Variants in ALOX5 observed in about 807,000 individuals in gnomAD.
ALOX5 encodes polyunsaturated fatty acid 5-lipoxygenase.
Under a neutral mutation model 87.9 loss-of-function variants are expected in ALOX5, and 64 were observed. That is an observed-to-expected ratio of 0.73 (90% CI 0.60 to 0.90). The LOEUF is 0.90. Among genes scored for constraint, ALOX5 ranks in the 40% least tolerant of loss-of-function variants. The pLI is 0.00. For synonymous variants in ALOX5, 388 were observed against 355.1 expected (o/e 1.09, Z -1.04); for missense variants, 822 against 907.5 (o/e 0.91, Z 1.21).
At chr10:45,400,913 T>G (rs1048059503) in intron 3 of ALOX5, among the ~76,000 whole-genome samples, 1 of 152,238 alleles carries the variant, frequency 6.6e-6, no homozygotes, top group Admixed American at 6.5e-5. Flanking sequence ...TATTAAAATC[T>G]TTTGATAGCA....
chr10:45,393,484 C>T (rs1840373928), intron 2 of ALOX5, among the ~76,000 whole-genome samples: 1 of 152,024 alleles, frequency 6.6e-6, no homozygotes, highest in African/African-American at 2.4e-5. Flanking sequence ...ATGACAAACC[C>T]ACAACCAATA....
intron 7 of ALOX5, among the ~76,000 whole-genome samples, chr10:45,431,275 CTG>C (rs1464030406): frequency 1.3e-5 from 2 of 152,082 alleles, no homozygotes; most frequent in African/African-American, 4.8e-5. Flanking sequence ...GCTGATATCA[CTG>C]TTTTTATTCA....
In ALOX5 at chr10:45,412,323, C is replaced by T. The variant is rs372914677; in HGVS notation, c.554+10C>T. 3.4e-5 allele frequency: 55 copies of T among 1,613,714 alleles called. No homozygotes were observed. The highest frequency in any genetic ancestry group is 4.6e-5 in the Non-Finnish European group (54 of 1,179,810). On this transcript the variant is annotated intron_variant, in intron 4 of 13. Coordinates refer to ENST00000374391, the MANE Select transcript of ALOX5 (RefSeq NM_000698.5). Reference sequence around the variant, plus strand: ...TGAATTACTCCAAAGCGTAAGTTTACGAGAACTGAGGGACTCTGGGCAGCC... The same window carrying T: ...TGAATTACTCCAAAGCGTAAGTTTATGAGAACTGAGGGACTCTGGGCAGCC...
intron 1 of ALOX5, among the ~76,000 whole-genome samples, chr10:45,380,148 C>T (rs1258059933): frequency 3.9e-5 from 6 of 152,336 alleles, no homozygotes; most frequent in Middle Eastern, 6.8e-3. Context: ...GTGTGTGGCC[C>T]TGCTCTCCTG....
intron 12 of ALOX5, 102 bp downstream of exon 12, chr10:45,443,930 GGGCCT>G: frequency 6.9e-7 from 1 of 1,458,758 alleles, no homozygotes; most frequent in Admixed American, 2.2e-5. Context: ...GACAGCCTCG[GGGCCT>G]GGCACGGGAC....
In ALOX5 at chr10:45,425,170, A is replaced by C. The variant is rs957864698; in HGVS notation, c.834+38A>C. 9 of 1,595,430 alleles carry C rather than the reference A, an allele frequency of 5.6e-6. No homozygotes were observed. The African/African-American group carries it at 1.2e-4, about 21-fold the overall frequency. On this transcript the variant is annotated intron_variant, in intron 6 of 13. Transcript: ENST00000374391. The surrounding 1 kb of genome is among the most constrained non-coding windows in gnomAD (Gnocchi z 4.4). ...GGGCTGGGGAAGTGGCCAAGGTCAC[A>C]GTCTGTCAGGTGGAAGCCAGTTCCT...
chr10:45,389,041 C>G (rs569939449), intron 2 of ALOX5, among the ~76,000 whole-genome samples: 2 of 152,052 alleles, frequency 1.3e-5, no homozygotes, highest in African/African-American at 4.8e-5. Flanking sequence ...AACTATGTGA[C>G]GAATGCACAA....
intron 4 of ALOX5, among the ~76,000 whole-genome samples, chr10:45,419,266 C>T (rs547396764): frequency 4.6e-5 from 7 of 152,226 alleles, no homozygotes; most frequent in South Asian, 2.1e-4. Flanking sequence ...GAGAGCAGAC[C>T]ACGCGGAAGA....
intron 2 of ALOX5, among the ~76,000 whole-genome samples, chr10:45,393,010 A>T (rs996856508): frequency 6.6e-6 from 1 of 152,206 alleles, no homozygotes; most frequent in East Asian, 1.9e-4. Context: ...TCACAGCCGA[A>T]TTCTACCAGA....
chr10:45,421,364 A>G (rs948012892), intron 4 of ALOX5, among the ~76,000 whole-genome samples: 1 of 152,166 alleles, frequency 6.6e-6, no homozygotes, highest in Non-Finnish European at 1.5e-5. Flanking sequence ...AACAGGGGCA[A>G]GGGACCACCC....
rs891753695 is a variant in ALOX5 at position 45,380,994 on chromosome 10, C to G, written c.151-1489C>G. ...GCATCGAGTCCGGGGCTTTCCAAAC[C>G]TGCTGGTCATCAGAATGCGTGATGC... On this transcript the variant is annotated intron_variant, in intron 1 of 13. Transcript: ENST00000374391. Among the ~76,000 whole-genome samples, 8 of 152,368 alleles carry G rather than the reference C, an allele frequency of 5.3e-5. No homozygotes were observed. The East Asian group carries it at 1.5e-3, about 29-fold the overall frequency.
chr10:45,429,975 G>GATTC (rs1247574349), intron 7 of ALOX5, among the ~76,000 whole-genome samples: 1 of 152,200 alleles, frequency 6.6e-6, no homozygotes, highest in Non-Finnish European at 1.5e-5. Context: ...TCTGACTCTA[G>GATTC]ATTCCAGCCT....
At chr10:45,423,182 T>G (rs1841567352) in intron 4 of ALOX5, among the ~76,000 whole-genome samples, 1 of 152,154 alleles carries the variant, frequency 6.6e-6, no homozygotes. Flanking sequence ...GAAACAGATG[T>G]GCAAAGGCCC....
At chr10:45,410,048 A>C (rs1841018295) in intron 3 of ALOX5, among the ~76,000 whole-genome samples, 1 of 152,258 alleles carries the variant, frequency 6.6e-6, no homozygotes, top group Non-Finnish European at 1.5e-5. Context: ...CACTTAAGAA[A>C]ACATTAATGC....
At chr10:45,395,536 C>T (rs1275255971) in intron 2 of ALOX5, among the ~76,000 whole-genome samples, 1 of 151,660 alleles carries the variant, frequency 6.6e-6, no homozygotes, top group Admixed American at 6.6e-5. Context: ...AGCACACCAA[C>T]ATGACACATG....
At chr10:45,401,683 T>C (rs528807849) in intron 3 of ALOX5, among the ~76,000 whole-genome samples, 1 of 152,354 alleles carries the variant, frequency 6.6e-6, no homozygotes, top group African/African-American at 2.4e-5. Flanking sequence ...AGGAGGTTTC[T>C]AATTTTTGTA....
chr10:45,438,460 G>C (rs1842124768), intron 7 of ALOX5, among the ~76,000 whole-genome samples: 1 of 152,190 alleles, frequency 6.6e-6, no homozygotes, highest in African/African-American at 2.4e-5. Context: ...GCACACAACA[G>C]GGGGGCTCCT....
chr10:45,399,622 C>T (rs953139008), intron 3 of ALOX5, among the ~76,000 whole-genome samples: 3 of 151,964 alleles, frequency 2.0e-5, no homozygotes, highest in Non-Finnish European at 4.4e-5. Context: ...GCACAGGCAG[C>T]AAAAGAAAGT....
chr10:45,437,222 A>G (rs1462245771), intron 7 of ALOX5, among the ~76,000 whole-genome samples: 2 of 152,046 alleles, frequency 1.3e-5, no homozygotes, highest in Non-Finnish European at 2.9e-5. Context: ...GTGTGGTAAC[A>G]CCTGCCTGTA....
Sources: gnomAD v4.1 joint callset for allele counts (sites outside exome capture counted in the v4.1 genomes callset) on GRCh38, gnomAD v4.1.1 for gene constraint, Gnocchi (gnomAD v3.1) non-coding constraint, MANE v1.5 for transcripts, NCBI Gene and HGNC (gene_info 2026-07-23, HGNC 2026-07-21) for gene names.